PLEKHG1: variants seen among roughly 807,000 people sequenced by gnomAD.
PLEKHG1 encodes the protein pleckstrin homology domain-containing family G member 1.
In PLEKHG1, 44 loss-of-function variants were observed where a neutral mutation model predicts 100.8. That is an observed-to-expected ratio of 0.44 (90% CI 0.34 to 0.56). The LOEUF (loss-of-function observed/expected upper bound fraction) is 0.56, where lower values mean the gene tolerates loss of function less well. Ranked by LOEUF, PLEKHG1 falls within the 20% of genes least tolerant of loss-of-function variation. The pLI, the probability that PLEKHG1 is intolerant of heterozygous loss-of-function variation, is 0.01. For synonymous variants in PLEKHG1, 640 were observed against 662.5 expected, an observed-to-expected ratio of 0.97 and a Z score of 0.52; for missense variants, 1,545 against 1,720.9, an observed-to-expected ratio of 0.90 and a Z score of 1.81.
At chr6:150,838,316 G>T (rs1267647582) in intron 15 of PLEKHG1, among the ~76,000 whole-genome samples, 1 of 152,198 alleles carries the variant, frequency 6.6e-6, no homozygotes, top group African/African-American at 2.4e-5. Context: ...TCCAACCTAT[G>T]GCCCACAGCT....
At chr6:150,791,045 A>G (rs1456558115) in intron 4 of PLEKHG1, among the ~76,000 whole-genome samples, 1 of 152,128 alleles carries the variant, frequency 6.6e-6, no homozygotes, top group Non-Finnish European at 1.5e-5. Context: ...AAAAAAGAAT[A>G]TATACTCCTC....
At chr6:150,653,932 C>G (rs1325721232) in intron 3 of PLEKHG1, among the ~76,000 whole-genome samples, 1 of 152,110 alleles carries the variant, frequency 6.6e-6, no homozygotes, top group African/African-American at 2.4e-5. Context: ...AAATATTTCC[C>G]TTTCCATAAT....
At chr6:150,724,558 C>CT (rs34140367) in intron 1 of PLEKHG1, among the ~76,000 whole-genome samples, 3,046 of 100,402 alleles carry the variant, frequency 0.03, 136 homozygotes, top group African/African-American at 0.092. Context: ...TTTTCTTTTT[C>CT]TTTTTTTTTT....
At chr6:150,631,298 C>T (rs1412806953) in intron 1 of PLEKHG1, among the ~76,000 whole-genome samples, 2 of 152,214 alleles carry the variant, frequency 1.3e-5, no homozygotes, top group African/African-American at 4.8e-5. Flanking sequence ...AACCACGAAA[C>T]CAGTTCCACC....
chr6:150,640,065 C>T (rs147219465), intron 2 of PLEKHG1, among the ~76,000 whole-genome samples: 1 of 152,260 alleles, frequency 6.6e-6, no homozygotes, highest in African/African-American at 2.4e-5. Context: ...CCAAATCTTT[C>T]GATTCCAAAG....
intron 3 of PLEKHG1, among the ~76,000 whole-genome samples, chr6:150,705,113 T>C (rs1780951259): frequency 6.6e-6 from 1 of 152,122 alleles, no homozygotes; most frequent in South Asian, 2.1e-4. Flanking sequence ...TTAGGAGGTG[T>C]TAGGTAACAC....
intron 1 of PLEKHG1, among the ~76,000 whole-genome samples, chr6:150,730,220 A>C (rs1185327134): frequency 3.3e-5 from 5 of 151,982 alleles, no homozygotes. Flanking sequence ...CAGTATGTGC[A>C]GATCTGTAGG....
At chr6:150,790,552 C>G (rs13206382) in intron 4 of PLEKHG1, among the ~76,000 whole-genome samples, 17 of 152,056 alleles carry the variant, frequency 1.1e-4, no homozygotes, top group African/African-American at 2.2e-4. Flanking sequence ...AGTCCTACAT[C>G]GAGAGATCTA....
intron 2 of PLEKHG1, among the ~76,000 whole-genome samples, chr6:150,641,963 T>C (rs1224278859): frequency 1.3e-5 from 2 of 151,410 alleles, no homozygotes; most frequent in Admixed American, 6.6e-5. Flanking sequence ...CTTTTTTTTT[T>C]CAAGTGATGT....
intron 3 of PLEKHG1, among the ~76,000 whole-genome samples, chr6:150,777,074 A>G (rs934363148): frequency 2.0e-5 from 3 of 150,240 alleles, no homozygotes; most frequent in Admixed American, 6.6e-5. Context: ...CATTACACTG[A>G]TGCAATCCTG....
chr6:150,769,253 G>A (rs977098106), intron 3 of PLEKHG1, among the ~76,000 whole-genome samples: 1 of 152,172 alleles, frequency 6.6e-6, no homozygotes, highest in Non-Finnish European at 1.5e-5. Context: ...AAGACAGAGA[G>A]TGAATGAATA....
intron 15 of PLEKHG1, among the ~76,000 whole-genome samples, chr6:150,833,856 G>A (rs1377603036): frequency 1.3e-5 from 2 of 152,152 alleles, no homozygotes; most frequent in Non-Finnish European, 2.9e-5. Context: ...CTGATCATTA[G>A]CTTCATTATC....
intron 1 of PLEKHG1, among the ~76,000 whole-genome samples, chr6:150,631,429 T>C (rs1011971720): frequency 2.6e-5 from 4 of 152,136 alleles, no homozygotes; most frequent in Non-Finnish European, 4.4e-5. Flanking sequence ...GGACACCCCA[T>C]CCCCTACACA....
At chr6:150,795,805 GT>G (rs777493608) in intron 4 of PLEKHG1, 50 bp from the exon 6 acceptor site, 6 of 1,024,074 alleles carry the variant, frequency 5.9e-6, no homozygotes, top group Non-Finnish European at 9.2e-6. Flanking sequence ...TCAAATGAAT[GT>G]TTATGTTTGT....
intron 3 of PLEKHG1, chr6:150,663,641 C>T (rs925082726): frequency 6.6e-6 from 1 of 151,440 alleles, no homozygotes; most frequent in Non-Finnish European, 1.5e-5. Context: ...GCAACCTCCA[C>T]CTCCTGGGTT....
chr6:150,796,596 G>A (rs1028367835), intron 5 of PLEKHG1, among the ~76,000 whole-genome samples: 10 of 152,194 alleles, frequency 6.6e-5, no homozygotes, highest in Admixed American at 6.5e-4. Flanking sequence ...TAAGCCCTGT[G>A]CTAAATGCTG....
chr6:150,654,820 CTT>C (rs1316966024), intron 3 of PLEKHG1, among the ~76,000 whole-genome samples: 1 of 152,200 alleles, frequency 6.6e-6, no homozygotes, highest in Non-Finnish European at 1.5e-5. Flanking sequence ...GAATAAGTAA[CTT>C]GTTGTATTGA....
chr6:150,838,964 G>C (rs1414550456), intron 15 of PLEKHG1, among the ~76,000 whole-genome samples: 2 of 152,186 alleles, frequency 1.3e-5, no homozygotes, highest in African/African-American at 4.8e-5. Flanking sequence ...TGGTTCCCCA[G>C]ACAATGGCAG....
At chr6:150,650,762 C>T (rs1778696675) in exon 3 of PLEKHG1, 1 of 152,152 alleles carries the variant, frequency 6.6e-6, no homozygotes, top group East Asian at 1.9e-4. Flanking sequence ...TGGGTGAAGA[C>T]ATTGAAAAGG....
Sources: gnomAD v4.1 joint callset for allele counts (sites outside exome capture counted in the v4.1 genomes callset) on GRCh38, gnomAD v4.1.1 for gene constraint, MANE v1.5 for transcripts, NCBI Gene and HGNC (gene_info 2026-07-23, HGNC 2026-07-21) for gene names.